The following CEP63 variants were observed in gnomAD, a reference collection of about 807,000 sequenced individuals.
The protein encoded by CEP63 is centrosomal protein of 63 kDa.
Under a neutral mutation model 89.1 loss-of-function variants are expected in CEP63, and 84 were observed. The ratio of observed to expected loss-of-function variants is 0.94; its 90% confidence interval spans 0.79 to 1.13. CEP63 has a LOEUF of 1.13. Ranked by LOEUF, CEP63 falls within the 50% of genes most tolerant of loss-of-function variation. The pLI, the probability that CEP63 is intolerant of heterozygous loss-of-function variation, is 0.00. For synonymous variants in CEP63, 267 were observed against 272.5 expected, an observed-to-expected ratio of 0.98 and a Z score of 0.20; for missense variants, 838 against 813.3, an observed-to-expected ratio of 1.03 and a Z score of -0.37.
the CEP63 span, among the ~76,000 whole-genome samples, chr3:134,700,419 G>A: frequency 6.6e-6 from 1 of 152,080 alleles, no homozygotes; most frequent in Non-Finnish European, 1.5e-5. Context: ...AAGACAAATA[G>A]TCCTATAAGG....
chr3:134,542,122 A>G (rs1034382655), intron 6 of CEP63, among the ~76,000 whole-genome samples: 5 of 152,228 alleles, frequency 3.3e-5, no homozygotes, highest in Admixed American at 3.3e-4. Flanking sequence ...GATAAACAGT[A>G]TGTGAAAAAA....
chr3:134,709,122 G>A, the CEP63 span, among the ~76,000 whole-genome samples: 36 of 152,270 alleles, frequency 2.4e-4, no homozygotes, highest in Admixed American at 1.1e-3. Flanking sequence ...GACCTTTGGC[G>A]TAGGAGCCAC....
chr3:134,618,694 G>A, the CEP63 span, among the ~76,000 whole-genome samples: 100 of 152,300 alleles, frequency 6.6e-4, no homozygotes, highest in African/African-American at 1.2e-3. Context: ...TAGCCGCTTC[G>A]TAGTGATTCA....
At chr3:134,509,473 A>G (rs893101660) in intron 3 of CEP63, among the ~76,000 whole-genome samples, 5 of 152,202 alleles carry the variant, frequency 3.3e-5, no homozygotes, top group African/African-American at 9.7e-5. Flanking sequence ...ATCACTTGTC[A>G]ACAAACTTTC....
the CEP63 span, among the ~76,000 whole-genome samples, chr3:134,712,879 A>C: frequency 1.3e-5 from 2 of 152,196 alleles, no homozygotes; most frequent in African/African-American, 4.8e-5. Context: ...CCTGGGAACC[A>C]AGGGAGGCAA....
chr3:134,589,044 A>T (rs1409219815), downstream of CEP63, among the ~76,000 whole-genome samples: 5 of 152,238 alleles, frequency 3.3e-5, no homozygotes, highest in Non-Finnish European at 7.3e-5. Flanking sequence ...AAATAATTTT[A>T]AAACTGATCC....
chr3:134,652,918 G>T, the CEP63 span, among the ~76,000 whole-genome samples: 2 of 152,108 alleles, frequency 1.3e-5, no homozygotes. Flanking sequence ...TGGTGATGGT[G>T]GGGGGAGCTG....
the CEP63 span, among the ~76,000 whole-genome samples, chr3:134,729,599 A>C: frequency 6.6e-6 from 1 of 152,186 alleles, no homozygotes; most frequent in Non-Finnish European, 1.5e-5. Context: ...TGAAGTTTGC[A>C]TTTTTCCCCC....
At chr3:134,487,905 A>C (rs2107785793) in intron 1 of CEP63, 1 of 152,314 alleles carries the variant, frequency 6.6e-6, no homozygotes, top group South Asian at 2.1e-4. Flanking sequence ...GTTCCCTCAT[A>C]GTTATAGCTA....
chr3:134,486,821 A>G (rs1204402132), intron 1 of CEP63: 2 of 152,524 alleles, frequency 1.3e-5, no homozygotes, highest in African/African-American at 4.8e-5. Context: ...GAAATTGGAG[A>G]ACCCTGAACT....
the CEP63 span, among the ~76,000 whole-genome samples, chr3:134,752,482 C>T: frequency 6.6e-6 from 1 of 152,196 alleles, no homozygotes; most frequent in African/African-American, 2.4e-5. Flanking sequence ...TTTGCCCTCT[C>T]TCTCTTGCAC....
chr3:134,747,363 G>A, the CEP63 span, among the ~76,000 whole-genome samples: 1 of 152,208 alleles, frequency 6.6e-6, no homozygotes, highest in Non-Finnish European at 1.5e-5. Context: ...GAGCAAGACA[G>A]ACATTGTCCC....
At chr3:134,623,976 G>A in the CEP63 span, among the ~76,000 whole-genome samples, 1 of 152,136 alleles carries the variant, frequency 6.6e-6, no homozygotes, top group Non-Finnish European at 1.5e-5. Context: ...CTACCAATCA[G>A]TGTCTCCAGC....
the CEP63 span, among the ~76,000 whole-genome samples, chr3:134,770,504 C>T: frequency 6.6e-6 from 1 of 152,196 alleles, no homozygotes; most frequent in African/African-American, 2.4e-5. Context: ...TCCCCACTCA[C>T]TTGATTCTAT....
chr3:134,695,466 C>T, the CEP63 span, among the ~76,000 whole-genome samples: 1 of 152,294 alleles, frequency 6.6e-6, no homozygotes, highest in South Asian at 2.1e-4. Flanking sequence ...ACCTTTCTTG[C>T]TTCCTTGCAT....
chr3:134,754,308 G>C, the CEP63 span, among the ~76,000 whole-genome samples: 1 of 152,220 alleles, frequency 6.6e-6, no homozygotes, highest in Admixed American at 6.5e-5. Flanking sequence ...CTAATGCTCA[G>C]AGACCCTGGG....
At chr3:134,768,471 C>T in the CEP63 span, among the ~76,000 whole-genome samples, 1 of 152,164 alleles carries the variant, frequency 6.6e-6, no homozygotes, top group African/African-American at 2.4e-5. Context: ...GGCATTTTTC[C>T]TTCTCTTCCT....
the CEP63 span, among the ~76,000 whole-genome samples, chr3:134,660,451 G>A: frequency 6.6e-6 from 1 of 152,208 alleles, no homozygotes; most frequent in African/African-American, 2.4e-5. Context: ...GACTTGGTAA[G>A]GTCACGTAGT....
intron 3 of CEP63, among the ~76,000 whole-genome samples, chr3:134,522,101 T>C (rs1424783378): frequency 1.3e-5 from 2 of 152,184 alleles, no homozygotes; most frequent in East Asian, 3.8e-4. Flanking sequence ...CTTCATTAAT[T>C]AACAAATTTG....
Sources: allele counts gnomAD v4.1 joint callset (sites outside exome capture counted in the v4.1 genomes callset), GRCh38; gene constraint gnomAD v4.1.1; transcripts MANE v1.5; gene names NCBI Gene and HGNC (gene_info 2026-07-23, HGNC 2026-07-21).